BIRC3: variants seen among roughly 807,000 people sequenced by gnomAD.
The protein encoded by BIRC3 is baculoviral IAP repeat containing 3.
A neutral mutation model predicts 59.0 loss-of-function variants in BIRC3; 26 were observed. The observed-to-expected ratio is 0.44, with a 90% CI of 0.32 to 0.61. The LOEUF (loss-of-function observed/expected upper bound fraction) is 0.61, where lower values mean the gene tolerates loss of function less well. Among genes scored for constraint, BIRC3 ranks in the 20% least tolerant of loss-of-function variants. The pLI is 0.04. For synonymous variants in BIRC3, 243 were observed against 249.2 expected (o/e 0.98, Z 0.24); for missense variants, 641 against 711.5 (o/e 0.90, Z 1.13).
chr11:102,332,824 C>A (rs1335110784), intron 6 of BIRC3, among the ~76,000 whole-genome samples: 4 of 152,274 alleles, frequency 2.6e-5, no homozygotes, highest in Admixed American at 2.6e-4. Context: ...TTAACCTTTG[C>A]CCAGCCTCAT....
In BIRC3 at chr11:102,322,470, G is replaced by T. The variant is rs1951040188; in HGVS notation, c.-2040G>T. 4.9e-6 allele frequency: 1 copy of T among 205,008 alleles called. No individual in the cohort carries two copies. Among genetic ancestry groups the T allele is most frequent in the African/African-American group, 2.3e-5 (1 of 43,764 alleles). The allele number at this position is 205,008 out of a possible 1,614,324, so 12.7% of individuals were successfully genotyped here. ...AACGTCCAAAAGTTTGTTTAAATGG[G>T]CTGTTACCGCTGAGAATGATGAGGA... On this transcript the variant is annotated 5_prime_UTR_variant, in exon 2 of 9. Transcript: ENST00000263464.
intron 1 of BIRC3, among the ~76,000 whole-genome samples, chr11:102,321,445 C>T (rs1951029649): frequency 6.6e-6 from 1 of 152,156 alleles, no homozygotes; most frequent in South Asian, 2.1e-4. Flanking sequence ...ACCTCCACCT[C>T]CCAGGCTCAC....
chr11:102,331,886 C>T (rs1951145951), intron 6 of BIRC3, among the ~76,000 whole-genome samples: 1 of 152,112 alleles, frequency 6.6e-6, no homozygotes, highest in African/African-American at 2.4e-5. Flanking sequence ...AGTGATCCGC[C>T]CGCCTCGGCC....
At position 102,324,538 on chromosome 11, in the gene BIRC3, T is replaced by C. The variant is rs1951061778; in HGVS notation, c.29T>C (p.Leu10Ser). 6.2e-7 allele frequency: 1 copy of C among 1,613,736 alleles called. No homozygotes were observed. Among genetic ancestry groups the C allele is most frequent in the Non-Finnish European group, 8.5e-7 (1 of 1,179,810 alleles). The change falls in exon 2 of 9, where the codon TTA becomes TCA. Residue 10 changes from leucine (L) to serine (S), a missense_variant. By Grantham distance (145) the Leu-to-Ser change is moderately radical. Transcript: ENST00000263464. MNIVENSIF[L>S]SNLMKSANTF... Reference sequence around the variant, plus strand: ...AACATAGTAGAAAACAGCATATTCTTATCAAATTTGATGAAAAGCGCCAAC... The same window carrying C: ...AACATAGTAGAAAACAGCATATTCTCATCAAATTTGATGAAAAGCGCCAAC...
At position 102,328,034 on chromosome 11, in the gene BIRC3, A is replaced by G; in HGVS notation, c.954-18A>G. 1 of 1,578,892 alleles carries G rather than the reference A, an allele frequency of 6.3e-7. No individual in the cohort carries two copies. Among genetic ancestry groups the G allele is most frequent in the South Asian group, 1.2e-5 (1 of 86,354 alleles). ...TTGTATAAATAATCCCTCAAATTTT[A>G]TTTTCTTTACATTTTAGGTGTGAGT... On this transcript the variant is annotated intron_variant, in intron 3 of 8. Coordinates refer to ENST00000263464, the MANE Select transcript of BIRC3 (RefSeq NM_001165.5).
Position 102,322,176 on chromosome 11 carries a change from A to C in BIRC3, c.-2334A>C, listed in dbSNP as rs961926736. The C allele has an allele frequency of 1.5e-5, 3 of 206,274 alleles. No homozygotes were observed. The highest frequency in any genetic ancestry group is 2.3e-5 in the African/African-American group (1 of 43,792). 12.8% of individuals were successfully genotyped at this position (206,274 alleles called of 1,614,324 possible). Reference sequence around the variant, plus strand: ...CAGTCTCCTACTGGCACATTCTCCCATTATGTAGAATAGAAATAGTACCTG... The same window carrying C: ...CAGTCTCCTACTGGCACATTCTCCCCTTATGTAGAATAGAAATAGTACCTG... On this transcript the variant is annotated 5_prime_UTR_variant, in exon 2 of 9. Coordinates refer to ENST00000263464, the MANE Select transcript of BIRC3 (RefSeq NM_001165.5).
rs960591167 is a variant in BIRC3 at position 102,332,422 on chromosome 11, C to T, written c.1324+1181C>T. ...CTAGCTGTGACCTCTCTTAGTGCCC[C>T]CGGGCTCATCCTCATAAATCTCCCC... On this transcript the variant is annotated intron_variant, in intron 6 of 8. Coordinates refer to ENST00000263464, the MANE Select transcript of BIRC3 (RefSeq NM_001165.5). Among the ~76,000 whole-genome samples, 3 of 152,162 alleles carry T rather than the reference C, an allele frequency of 2.0e-5. No individual in the cohort carries two copies. In the South Asian group the frequency reaches 6.2e-4, roughly 32 times the overall value.
rs945680147 is a variant in BIRC3, at chr11:102,322,842, C to T, written c.-1668C>T. ...GCTTATTGGTCATTGCTAGTATTAT[C>T]GACTCAGAACCTCTTTACTAATGGC... On this transcript the variant is annotated 5_prime_UTR_variant, in exon 2 of 9. Coordinates refer to ENST00000263464, the MANE Select transcript of BIRC3 (RefSeq NM_001165.5). 5 of 196,888 alleles carry T rather than the reference C, an allele frequency of 2.5e-5. No homozygotes were observed. The highest frequency in any genetic ancestry group is 5.1e-5 in the Non-Finnish European group (5 of 97,384). The allele number at this position is 196,888 out of a possible 1,614,324, so 12.2% of individuals were successfully genotyped here.
intron 1 of BIRC3, among the ~76,000 whole-genome samples, chr11:102,317,868 T>G (rs2135778792): frequency 6.6e-6 from 1 of 152,284 alleles, no homozygotes; most frequent in African/African-American, 2.4e-5. Flanking sequence ...TGCCAAGAGT[T>G]ATCACTGGGC....
In BIRC3 at chr11:102,337,546, A is replaced by T. The variant is rs1326267015; in HGVS notation, c.*444A>T. The T allele has an allele frequency of 2.6e-6, 1 of 388,280 alleles. No homozygotes were observed. The highest frequency in any genetic ancestry group is 4.6e-6 in the Non-Finnish European group (1 of 219,706). 24.1% of individuals were successfully genotyped at this position (388,280 alleles called of 1,614,324 possible). A position where few individuals can be genotyped will look rare whatever the true frequency, so the allele number is the denominator to read the frequency against. ...AGTTTGAATCCATCCTGGGCAGCAT[A>T]CTGAGACCCTGCCTTTAAAAACAAA... On this transcript the variant is annotated 3_prime_UTR_variant, in exon 9 of 9. Transcript: ENST00000263464.
chr11:102,324,472 A>G lies in BIRC3; in HGVS notation c.-38A>G, dbSNP rs1208303298. On this transcript the variant is annotated 5_prime_UTR_variant, in exon 2 of 9. Coordinates refer to ENST00000263464, the MANE Select transcript of BIRC3 (RefSeq NM_001165.5). Reference sequence around the variant, plus strand: ...GCCATGCACAAAACTACCTCCCTAGAGAAAGGCTAGTCCCTTTTCTTCCCC... The same window carrying G: ...GCCATGCACAAAACTACCTCCCTAGGGAAAGGCTAGTCCCTTTTCTTCCCC... 1 of 1,552,296 alleles carries G rather than the reference A, an allele frequency of 6.4e-7. No individual in the cohort carries two copies. Among genetic ancestry groups the G allele is most frequent in the Admixed American group, 2.0e-5 (1 of 50,188 alleles).
Position 102,324,383 on chromosome 11 carries a change from TA to T in BIRC3, c.-122del. On this transcript the variant is annotated 5_prime_UTR_variant, in exon 2 of 9. The change creates a premature stop within an existing upstream ORF in the 5' untranslated region. Transcript: ENST00000263464. Reference sequence around the variant, plus strand: ...TGTTGAAACTCTAAATGCATAGAAATAAAAATAATAAAAAATTTTTCATTTT... The same window carrying T: ...TGTTGAAACTCTAAATGCATAGAAATAAAATAATAAAAAATTTTTCATTTT... The T allele has an allele frequency of 1.8e-6, 2 of 1,092,598 alleles. No homozygotes were observed. The highest frequency in any genetic ancestry group is 1.6e-5 in the African/African-American group (1 of 62,538). 67.7% of individuals were successfully genotyped at this position (1,092,598 alleles called of 1,614,324 possible). A position where few individuals can be genotyped will look rare whatever the true frequency, so the allele number is the denominator to read the frequency against.
intron 1 of BIRC3, among the ~76,000 whole-genome samples, chr11:102,318,979 T>C (rs1951002377): frequency 6.6e-6 from 1 of 152,054 alleles, no homozygotes; most frequent in South Asian, 2.1e-4. Flanking sequence ...TCCAGTTTGC[T>C]TGGCTGTGAA....
intron 8 of BIRC3, 26 bp from the exon 9 acceptor site, chr11:102,336,883 T>C (rs751505877): frequency 6.3e-6 from 10 of 1,590,246 alleles, no homozygotes; most frequent in Middle Eastern, 3.3e-4. Context: ...AACTGCCTTT[T>C]ATTAAAAATT....
intron 6 of BIRC3, among the ~76,000 whole-genome samples, chr11:102,334,703 T>G (rs1463943149): frequency 6.6e-6 from 1 of 152,186 alleles, no homozygotes; most frequent in Non-Finnish European, 1.5e-5. Context: ...ATAAGTTATA[T>G]TCCAAAGAGA....
chr11:102,336,194 A>G lies in BIRC3; in HGVS notation c.1553A>G (p.Glu518Gly). ...TVFRNSLQEA[E>G]AVLYEHLFVQ... is the part of the protein sequence containing the mutation. ...TTCAGAAACTCTCTGCAAGAAGCTGAAGCTGTGTTATATGAGCATTTATTT... is the reference window on the plus strand; with the variant it reads ...TTCAGAAACTCTCTGCAAGAAGCTGGAGCTGTGTTATATGAGCATTTATTT... The change falls in exon 7 of 9, where the codon GAA (glutamate) becomes GGA (glycine). Residue 518 changes from glutamate (E) to glycine (G), a missense_variant. Physicochemically the swap from Glu to Gly is moderately conservative, Grantham distance 98. Coordinates refer to ENST00000263464, the MANE Select transcript of BIRC3 (RefSeq NM_001165.5). 1 of 1,612,096 alleles carries G rather than the reference A, an allele frequency of 6.2e-7. No homozygotes were observed. The highest frequency in any genetic ancestry group is 8.5e-7 in the Non-Finnish European group (1 of 1,179,182).
chr11:102,336,914 C>T lies in BIRC3; in HGVS notation c.1627C>T (p.Pro543Ser), dbSNP rs1330336027. ...AAATTCTTTCCTCTTTCTAGATCTA[C>T]CAGTGGAAGAACAATTGCGGAGACT... ...YIPTEDVSDL[P>S]VEEQLRRLQE... The change falls in exon 9 of 9, where the codon CCA becomes TCA. Residue 543 changes from proline (P) to serine (S), a missense_variant. By Grantham distance (74) the Pro-to-Ser change is moderately conservative (BLOSUM62 -1). This residue lies in a region of BIRC3 where 268 missense variants were observed against 255.7 expected (regional missense o/e 1.05). Coordinates refer to ENST00000263464, the MANE Select transcript of BIRC3 (RefSeq NM_001165.5). The T allele has an allele frequency of 6.3e-7, 1 of 1,598,250 alleles. No individual in the cohort carries two copies. The highest frequency in any genetic ancestry group is 2.2e-5 in the East Asian group (1 of 44,678).
rs17884964 is a variant in BIRC3 at position 102,322,433 on chromosome 11, A to G, written c.-2077A>G. On this transcript the variant is annotated 5_prime_UTR_variant, in exon 2 of 9. Transcript: ENST00000263464. ...AAATTATCCAGTTATTTACAAGGCCACTGATATTTTAAACGTCCAAAAGTT... is the reference window on the plus strand; with the variant it reads ...AAATTATCCAGTTATTTACAAGGCCGCTGATATTTTAAACGTCCAAAAGTT... 2,195 of 207,008 alleles carry G rather than the reference A, an allele frequency of 0.011. 46 individuals carry two copies. The highest frequency in any genetic ancestry group is 0.046 in the African/African-American group (2,028 of 44,052). The allele number at this position is 207,008 out of a possible 1,614,324, so 12.8% of individuals were successfully genotyped here. A position where few individuals can be genotyped will look rare whatever the true frequency, so the allele number is the denominator to read the frequency against.
At chr11:102,328,244 C>T (rs1291660410) in intron 4 of BIRC3, 114 bp downstream of exon 4, 1 of 799,074 alleles carries the variant, frequency 1.3e-6, no homozygotes, top group Non-Finnish European at 2.0e-6. Flanking sequence ...AATACATTTT[C>T]TTTTTCTTAT....
Sources: gnomAD v4.1 joint callset for allele counts (sites outside exome capture counted in the v4.1 genomes callset) on GRCh38, gnomAD v4.1.1 for gene constraint, gnomAD v4.1.1 regional missense constraint, MANE v1.5 for transcripts, NCBI Gene and HGNC (gene_info 2026-07-23, HGNC 2026-07-21) for gene names.